Variants in DCHS2 observed in about 807,000 individuals in gnomAD.
DCHS2 encodes dachsous cadherin-related 2.
DCHS2 carries 142 observed loss-of-function variants against 182.4 expected under a neutral mutation model. The observed-to-expected ratio is 0.78, with a 90% CI of 0.68 to 0.89. The LOEUF (loss-of-function observed/expected upper bound fraction) is 0.89. DCHS2 is among the 40% of genes least tolerant of loss of function. DCHS2 has a pLI of 0.00. For missense variants in DCHS2, 4,319 were observed against 4,198.6 expected (o/e 1.03, Z -0.79); for synonymous variants, 1,740 against 1,663.3 (o/e 1.05, Z -1.12).
chr4:154,294,604 A>G (rs1380609178), intron 13 of DCHS2, among the ~76,000 whole-genome samples: 1 of 152,260 alleles, frequency 6.6e-6, no homozygotes, highest in Non-Finnish European at 1.5e-5. Context: ...TAGGCAACAG[A>G]AGAGTATTAA....
intron 13 of DCHS2, among the ~76,000 whole-genome samples, chr4:154,290,802 G>A (rs1216422759): frequency 6.6e-6 from 1 of 152,084 alleles, no homozygotes; most frequent in Admixed American, 6.6e-5. Flanking sequence ...ATGGATTAAA[G>A]ATTTAAACTT....
intron 13 of DCHS2, among the ~76,000 whole-genome samples, chr4:154,289,827 G>C (rs1312508008): frequency 1.3e-5 from 2 of 151,860 alleles, no homozygotes; most frequent in African/African-American, 2.4e-5. Context: ...ACAAAATAAA[G>C]GACCATATGA....
chr4:154,335,796 C>T (rs1397584990), intron 3 of DCHS2, among the ~76,000 whole-genome samples: 1 of 152,140 alleles, frequency 6.6e-6, no homozygotes, highest in African/African-American at 2.4e-5. Context: ...GTTAGGTAAG[C>T]AATATTTTCC....
intron 3 of DCHS2, chr4:154,343,382 C>T (rs1729201995): frequency 2.4e-6 from 3 of 1,241,858 alleles, no homozygotes; most frequent in South Asian, 3.1e-5. Flanking sequence ...GACTTCTCCT[C>T]TCTAGCTATG....
chr4:154,486,517 T>G, intron 1 of DCHS2: 1 of 1,304,560 alleles, frequency 7.7e-7, no homozygotes, highest in Non-Finnish European at 1.0e-6. Context: ...TGAGCAGATA[T>G]AAGCTGTAAA....
At chr4:154,394,862 T>C (rs1731865125) in intron 1 of DCHS2, among the ~76,000 whole-genome samples, 1 of 152,222 alleles carries the variant, frequency 6.6e-6, no homozygotes, top group Admixed American at 6.5e-5. Context: ...CTGCATGGCC[T>C]TTCCAGGCCT....
chr4:154,417,184 TGTGTGTGTGTGTGTGTGTGTGAGAGAGA>T (rs1181451956), intron 1 of DCHS2, among the ~76,000 whole-genome samples: 5 of 110,454 alleles, frequency 4.5e-5, no homozygotes, highest in African/African-American at 1.1e-4. Flanking sequence ...TGTGTGTGTG[TGTGTGTGTGTGTGTGTGTGTGAGAGAGA>T]GAGAGAGAGA....
In DCHS2 at chr4:154,490,808, C is replaced by T. The variant is rs964799772; in HGVS notation, c.548G>A (p.Gly183Glu). The stretch of plus-strand genomic sequence containing the variant: ...GGCAACTGGCAGGCGGAAGGCGGTC[C>T]CTGGCGGGCTGAGCTCGGAGACGTC... ...QLDVSELSPP[G>E]TAFRLPVAHD... The change falls in exon 1 of 20, where the codon GGG (glycine) becomes GAG (glutamate). Residue 183 changes from glycine to glutamate, a missense_variant. Coordinates refer to ENST00000357232, the MANE Select transcript of DCHS2 (RefSeq NM_001358235.2). 48 of 1,551,430 alleles carry T rather than the reference C, an allele frequency of 3.1e-5. No individual in the cohort carries two copies. Among genetic ancestry groups the T allele is most frequent in the Non-Finnish European group, 3.7e-5 (43 of 1,146,916 alleles).
Position 154,234,612 on chromosome 4 carries a change from C to T in DCHS2, c.10040G>A (p.Arg3347Lys), listed in dbSNP as rs752121816. The T allele has an allele frequency of 2.5e-6, 4 of 1,613,984 alleles. No individual in the cohort carries two copies. The highest frequency in any genetic ancestry group is 3.4e-6 in the Non-Finnish European group (4 of 1,179,930). ...MQPPALSPLLREGELLGTHIS... is the reference protein window; with the variant it reads ...MQPPALSPLLKEGELLGTHIS... Reference sequence around the variant, plus strand: ...GTGTGTTCCTAATAATTCTCCTTCTCTCAACAGTGGAGACAAGGCAGGAGG... The same window carrying T: ...GTGTGTTCCTAATAATTCTCCTTCTTTCAACAGTGGAGACAAGGCAGGAGG... The change falls in exon 20 of 20, where the codon AGA (arginine) becomes AAA (lysine). Residue 3347 changes from arginine to lysine, a missense_variant. Transcript: ENST00000357232.
chr4:154,480,647 C>T (rs1487485921), intron 1 of DCHS2, among the ~76,000 whole-genome samples: 1 of 152,034 alleles, frequency 6.6e-6, no homozygotes, highest in Non-Finnish European at 1.5e-5. Context: ...TTACTGTAGT[C>T]ATTTAAAATA....
chr4:154,238,910 G>T (rs1731663316), intron 19 of DCHS2, among the ~76,000 whole-genome samples: 1 of 151,952 alleles, frequency 6.6e-6, no homozygotes, highest in Admixed American at 6.6e-5. Flanking sequence ...ATTATACTGG[G>T]GTCTCTGAAT....
chr4:154,425,366 A>G (rs1560750779), intron 1 of DCHS2, among the ~76,000 whole-genome samples: 2 of 152,222 alleles, frequency 1.3e-5, no homozygotes, highest in Non-Finnish European at 2.9e-5. Context: ...AAGCTAAGTA[A>G]AATTTCTGAG....
At chr4:154,398,226 G>A (rs1029840191) in intron 1 of DCHS2, among the ~76,000 whole-genome samples, 1 of 152,100 alleles carries the variant, frequency 6.6e-6, no homozygotes, top group Admixed American at 6.5e-5. Context: ...ATCAAGAATT[G>A]TACCCATAAA....
intron 1 of DCHS2, among the ~76,000 whole-genome samples, chr4:154,400,221 T>C (rs921378369): frequency 7.1e-6 from 1 of 141,784 alleles, no homozygotes; most frequent in Middle Eastern, 3.8e-3. Context: ...GAGAATGGTG[T>C]GAACCCGGGA....
intron 13 of DCHS2, among the ~76,000 whole-genome samples, chr4:154,296,471 T>G (rs1479815593): frequency 2.0e-5 from 3 of 152,146 alleles, no homozygotes; most frequent in Non-Finnish European, 4.4e-5. Flanking sequence ...AAGTGAACAT[T>G]TAATGACTGA....
chr4:154,309,227 C>A (rs984406440), intron 10 of DCHS2, among the ~76,000 whole-genome samples: 2 of 152,160 alleles, frequency 1.3e-5, no homozygotes, highest in Non-Finnish European at 2.9e-5. Context: ...AGATCCAAAT[C>A]TGTTCTTCTG....
At chr4:154,487,724 A>T (rs1728638990) in intron 1 of DCHS2, among the ~76,000 whole-genome samples, 1 of 152,240 alleles carries the variant, frequency 6.6e-6, no homozygotes, top group African/African-American at 2.4e-5. Context: ...TGAGAACCAG[A>T]AAGTAAGCAG....
At chr4:154,369,143 A>G (rs1290055696) in intron 2 of DCHS2, among the ~76,000 whole-genome samples, 2 of 152,228 alleles carry the variant, frequency 1.3e-5, no homozygotes, top group Non-Finnish European at 1.5e-5. Context: ...GCTATCCTCA[A>G]TGAAATGACA....
At chr4:154,424,150 CAAACAACAAAAAAATAGGGCTG>C (rs1296976182) in intron 1 of DCHS2, among the ~76,000 whole-genome samples, 8 of 151,752 alleles carry the variant, frequency 5.3e-5, no homozygotes, top group African/African-American at 1.9e-4. Flanking sequence ...CTTATGTGCA[CAAACAACAAAAAAATAGGGCTG>C]AAACATCAAG....
Sources: allele counts gnomAD v4.1 joint callset (sites outside exome capture counted in the v4.1 genomes callset), GRCh38; gene constraint gnomAD v4.1.1; transcripts MANE v1.5; gene names NCBI Gene and HGNC (gene_info 2026-07-23, HGNC 2026-07-21).